The following CAST variants were observed in gnomAD, a reference collection of about 807,000 sequenced individuals.
The protein encoded by CAST is MIR583 host.
In CAST, 76 loss-of-function variants were observed where a neutral mutation model predicts 119.6. The observed-to-expected ratio is 0.64, with a 90% CI of 0.53 to 0.77. The LOEUF is 0.77. Among genes scored for constraint, CAST ranks in the 30% least tolerant of loss-of-function variants. The pLI is 0.00. For missense variants in CAST, 953 were observed against 946.5 expected, an observed-to-expected ratio of 1.01 and a Z score of -0.09; for synonymous variants, 319 against 331.6, an observed-to-expected ratio of 0.96 and a Z score of 0.41.
chr5:96,485,333 C>T, the CAST span, among the ~76,000 whole-genome samples: 97 of 152,272 alleles, frequency 6.4e-4, 2 homozygotes, highest in East Asian at 0.015. Context: ...TAAGTCCTCA[C>T]ATGAAGTGAT....
Position 96,723,646 on chromosome 5 carries a change from C to T in CAST, c.270+948C>T, listed in dbSNP as rs894356557. On this transcript the variant is annotated intron_variant, in intron 4 of 31. Transcript: ENST00000675179. Reference sequence around the variant, plus strand: ...CCACTTTGTTCTGAAGAGCTGGCTGCAGCTGCCTTTTAAACCCTCTCCCTA... The same window carrying T: ...CCACTTTGTTCTGAAGAGCTGGCTGTAGCTGCCTTTTAAACCCTCTCCCTA... 2.6e-5 allele frequency among the ~76,000 whole-genome samples: 4 copies of T among 152,298 alleles called. No individual in the cohort carries two copies. The East Asian group carries it at 7.7e-4, about 29-fold the overall frequency.
At chr5:96,326,983 G>A in the CAST span, among the ~76,000 whole-genome samples, 1 of 152,192 alleles carries the variant, frequency 6.6e-6, no homozygotes, top group African/African-American at 2.4e-5. Context: ...TGGAGCAGAA[G>A]CAATCACCTT....
At chr5:96,111,203 G>T in the CAST span, among the ~76,000 whole-genome samples, 1 of 152,128 alleles carries the variant, frequency 6.6e-6, no homozygotes, top group Non-Finnish European at 1.5e-5. Context: ...TATTATAAAG[G>T]ATATTCTAAA....
At chr5:96,364,892 T>A in the CAST span, among the ~76,000 whole-genome samples, 1 of 152,340 alleles carries the variant, frequency 6.6e-6, no homozygotes, top group South Asian at 2.1e-4. Flanking sequence ...CTCTTGCTTC[T>A]CTAGTTCTTT....
At chr5:96,493,575 G>GGTGTA in the CAST span, among the ~76,000 whole-genome samples, 1 of 152,138 alleles carries the variant, frequency 6.6e-6, no homozygotes, top group African/African-American at 2.4e-5. Context: ...CATCATGCTG[G>GGTGTA]GTGTACTGTG....
the CAST span, among the ~76,000 whole-genome samples, chr5:96,239,827 T>C: frequency 1.3e-5 from 2 of 152,104 alleles, no homozygotes; most frequent in African/African-American, 4.8e-5. Flanking sequence ...ACATCACTAG[T>C]TTTATTTTCT....
chr5:96,270,648 C>T, the CAST span, among the ~76,000 whole-genome samples: 1 of 151,950 alleles, frequency 6.6e-6, no homozygotes, highest in Non-Finnish European at 1.5e-5. Context: ...CAAGTGGGCA[C>T]TGAATGATGA....
chr5:96,395,081 T>G, the CAST span: 2 of 1,286,032 alleles, frequency 1.6e-6, no homozygotes, highest in Non-Finnish European at 2.3e-6. Context: ...TAAAACAAAC[T>G]CATTCAAAAT....
chr5:95,980,705 G>A, the CAST span, among the ~76,000 whole-genome samples: 4 of 151,956 alleles, frequency 2.6e-5, no homozygotes, highest in Admixed American at 1.3e-4. Flanking sequence ...AAGCCCTCAC[G>A]TCACCCACCG....
At chr5:96,597,268 G>C (rs971549757) in intron 1 of CAST, among the ~76,000 whole-genome samples, 2 of 152,144 alleles carry the variant, frequency 1.3e-5, no homozygotes, top group Non-Finnish European at 2.9e-5. Context: ...ATATGTCAAG[G>C]AATTTATCCA....
At chr5:96,347,731 AC>A in the CAST span, among the ~76,000 whole-genome samples, 1 of 152,154 alleles carries the variant, frequency 6.6e-6, no homozygotes, top group Non-Finnish European at 1.5e-5. Flanking sequence ...ATGGAATAAG[AC>A]CAGTTCTAAA....
chr5:96,303,039 T>A, the CAST span, among the ~76,000 whole-genome samples: 1 of 152,156 alleles, frequency 6.6e-6, no homozygotes, highest in Non-Finnish European at 1.5e-5. Flanking sequence ...GTGTGATGTA[T>A]AAAGAGAAGC....
intron 18 of CAST, among the ~76,000 whole-genome samples, chr5:96,747,938 C>T (rs558190151): frequency 2.0e-5 from 3 of 152,262 alleles, no homozygotes; most frequent in Admixed American, 2.0e-4. Context: ...TATAAAATAG[C>T]AAGCCAAGCC....
At chr5:96,268,371 G>A in the CAST span, among the ~76,000 whole-genome samples, 13 of 152,054 alleles carry the variant, frequency 8.5e-5, no homozygotes, top group East Asian at 3.9e-4. Context: ...CAAGAAGTTC[G>A]GGCCCAGTCT....
the CAST span, among the ~76,000 whole-genome samples, chr5:96,249,703 T>C: frequency 6.6e-6 from 1 of 152,102 alleles, no homozygotes; most frequent in Non-Finnish European, 1.5e-5. Context: ...AGCAATAAAA[T>C]CCACTTCACA....
At chr5:96,173,799 G>A in the CAST span, among the ~76,000 whole-genome samples, 2 of 150,722 alleles carry the variant, frequency 1.3e-5, no homozygotes, top group African/African-American at 4.9e-5. Flanking sequence ...GGAATGCAGT[G>A]GCGCCATCTC....
chr5:96,332,394 C>A, the CAST span, among the ~76,000 whole-genome samples: 1 of 150,278 alleles, frequency 6.7e-6, no homozygotes, highest in Admixed American at 6.6e-5. Context: ...GAATACTTTT[C>A]TTTCTTTAAA....
the CAST span, among the ~76,000 whole-genome samples, chr5:96,404,206 C>T: frequency 4.3e-4 from 66 of 152,254 alleles, no homozygotes; most frequent in Middle Eastern, 6.8e-3. Flanking sequence ...TAGGAAAACA[C>T]AGTGGTAAAA....
chr5:96,438,129 T>C, the CAST span, among the ~76,000 whole-genome samples: 2 of 152,158 alleles, frequency 1.3e-5, no homozygotes, highest in South Asian at 4.1e-4. Flanking sequence ...GGATAGGGTC[T>C]TTCAATAGAA....
Sources: allele counts gnomAD v4.1 joint callset (sites outside exome capture counted in the v4.1 genomes callset), GRCh38; gene constraint gnomAD v4.1.1; transcripts MANE v1.5; gene names NCBI Gene and HGNC (gene_info 2026-07-23, HGNC 2026-07-21).